Variants in COL24A1 observed in about 807,000 individuals in gnomAD.
COL24A1 encodes the protein collagen type XXIV alpha 1 chain.
In COL24A1, 224 loss-of-function variants were observed where a neutral mutation model predicts 253.9. The ratio of observed to expected loss-of-function variants is 0.88; its 90% CI spans 0.79 to 0.99. COL24A1 has a LOEUF of 0.99. COL24A1 is among the 50% of genes least tolerant of loss of function. The pLI, the probability that COL24A1 is intolerant of heterozygous loss-of-function variation, is 0.00. For synonymous variants in COL24A1, 685 were observed against 673.7 expected (o/e 1.02, Z -0.26); for missense variants, 2,131 against 2,068.5 (o/e 1.03, Z -0.59).
chr1:85,861,787 A>G (rs555013654), intron 37 of COL24A1, among the ~76,000 whole-genome samples: 6 of 152,348 alleles, frequency 3.9e-5, no homozygotes, highest in African/African-American at 1.4e-4. Flanking sequence ...CAAATTTCTT[A>G]TCATAGCTTA....
intron 32 of COL24A1, among the ~76,000 whole-genome samples, chr1:85,884,474 G>T (rs573633454): frequency 1.5e-4 from 23 of 152,144 alleles, no homozygotes; most frequent in African/African-American, 5.5e-4. Context: ...AGTTCCTTTA[G>T]CTATAATCTG....
intron 12 of COL24A1, among the ~76,000 whole-genome samples, chr1:86,038,859 C>T (rs1167709425): frequency 6.6e-6 from 1 of 152,090 alleles, no homozygotes; most frequent in Non-Finnish European, 1.5e-5. Flanking sequence ...CCTCCAACCC[C>T]CAGTCAAGCC....
intron 37 of COL24A1, among the ~76,000 whole-genome samples, chr1:85,854,289 T>C (rs1450278333): frequency 2.0e-5 from 3 of 152,184 alleles, no homozygotes; most frequent in African/African-American, 7.2e-5. Context: ...TGTGGCTTTA[T>C]TTCTCGGTTC....
At chr1:85,786,803 C>G (rs555728157) in intron 47 of COL24A1, among the ~76,000 whole-genome samples, 1 of 152,272 alleles carries the variant, frequency 6.6e-6, no homozygotes, top group African/African-American at 2.4e-5. Flanking sequence ...GTGTACATGG[C>G]AACTCTAATA....
chr1:85,871,276 G>C (rs1680450934), intron 35 of COL24A1, among the ~76,000 whole-genome samples: 1 of 152,150 alleles, frequency 6.6e-6, no homozygotes, highest in South Asian at 2.1e-4. Flanking sequence ...GTGCAAGGAG[G>C]AGCTGGTACC....
intron 7 of COL24A1, among the ~76,000 whole-genome samples, chr1:86,086,396 C>A (rs1703069304): frequency 6.6e-6 from 1 of 152,080 alleles, no homozygotes; most frequent in Non-Finnish European, 1.5e-5. Flanking sequence ...GCAAGCCCAC[C>A]CCTGACAAAG....
rs1287221536 is a variant in COL24A1 at position 85,745,435 on chromosome 1, T to A, written c.4503+6A>T. 6.9e-6 allele frequency: 11 copies of A among 1,600,222 alleles called. No homozygotes were observed. The highest frequency in any genetic ancestry group is 8.5e-6 in the Non-Finnish European group (10 of 1,172,728). ...GTGCCAATATAAATAAAACCAGATA[T>A]GTTACCTCCATCTGTAGGGCAGTAT... On this transcript the variant is annotated splice_donor_region_variant and intron_variant, in intron 56 of 59. Coordinates refer to ENST00000370571, the MANE Select transcript of COL24A1 (RefSeq NM_152890.7).
At position 85,896,444 on chromosome 1, in the gene COL24A1, A is replaced by C. The variant is rs758056309; in HGVS notation, c.2779-35T>G. ...AAAAAAATATCCTGTTGTTAATTTGAAATGTTCCTTTTTTTTTCTTAACAG... is the reference window on the plus strand; with the variant it reads ...AAAAAAATATCCTGTTGTTAATTTGCAATGTTCCTTTTTTTTTCTTAACAG... On this transcript the variant is annotated intron_variant, in intron 28 of 59. Transcript: ENST00000370571. 13 of 1,566,224 alleles carry C rather than the reference A, an allele frequency of 8.3e-6. No individual in the cohort carries two copies. The East Asian group carries it at 2.9e-4, about 35-fold the overall frequency.
At chr1:86,099,521 A>G (rs1704265102) in intron 5 of COL24A1, among the ~76,000 whole-genome samples, 2 of 152,188 alleles carry the variant, frequency 1.3e-5, no homozygotes, top group South Asian at 4.1e-4. Context: ...TACAAAGAAA[A>G]ACCTGCAAAC....
At chr1:85,947,449 T>G (rs1030077354) in intron 24 of COL24A1, among the ~76,000 whole-genome samples, 3 of 152,208 alleles carry the variant, frequency 2.0e-5, no homozygotes, top group Admixed American at 2.0e-4. Flanking sequence ...AACATGCATA[T>G]TCTTTCAGTT....
chr1:85,798,559 G>A (rs958647736), intron 47 of COL24A1, among the ~76,000 whole-genome samples: 1 of 152,122 alleles, frequency 6.6e-6, no homozygotes, highest in African/African-American at 2.4e-5. Flanking sequence ...AGTTTCTTTC[G>A]TGTGACTAGC....
At chr1:86,135,615 C>A (rs1650109211) in intron 2 of COL24A1, among the ~76,000 whole-genome samples, 1 of 151,892 alleles carries the variant, frequency 6.6e-6, no homozygotes, top group Non-Finnish European at 1.5e-5. Context: ...CTTCCCATTT[C>A]ATCTTGATTT....
At chr1:85,896,452 C>T in intron 28 of COL24A1, 43 bp from the exon 29 acceptor site, 3 of 1,486,120 alleles carry the variant, frequency 2.0e-6, no homozygotes, top group South Asian at 1.2e-5. Flanking sequence ...TGAAATGTTC[C>T]TTTTTTTTTC....
At chr1:85,804,992 T>C (rs1351915376) in intron 47 of COL24A1, among the ~76,000 whole-genome samples, 1 of 152,146 alleles carries the variant, frequency 6.6e-6, no homozygotes, top group East Asian at 1.9e-4. Context: ...AGGCACATGC[T>C]ACAACACCCA....
In COL24A1 at chr1:85,841,212, A is replaced by G. The variant is rs1676574976; in HGVS notation, c.3627+10T>C. On this transcript the variant is annotated intron_variant, in intron 42 of 59. Transcript: ENST00000370571. Reference sequence around the variant, plus strand: ...TTGAATAACCAGAATTATTTCAGAAAAAGACCTACTGGTTCACCTCGAGGC... The same window carrying G: ...TTGAATAACCAGAATTATTTCAGAAGAAGACCTACTGGTTCACCTCGAGGC... 7 of 1,588,046 alleles carry G rather than the reference A, an allele frequency of 4.4e-6. No homozygotes were observed. Among genetic ancestry groups the G allele is most frequent in the Non-Finnish European group, 6.0e-6 (7 of 1,165,314 alleles).
chr1:86,019,721 A>T (rs1334999578), intron 18 of COL24A1, among the ~76,000 whole-genome samples: 1 of 152,196 alleles, frequency 6.6e-6, no homozygotes, highest in Non-Finnish European at 1.5e-5. Context: ...AAAAAAAATC[A>T]ATTATCTCCC....
chr1:86,056,648 G>T (rs1227293889), intron 10 of COL24A1, among the ~76,000 whole-genome samples: 3 of 152,086 alleles, frequency 2.0e-5, no homozygotes, highest in Non-Finnish European at 4.4e-5. Context: ...AAGGTCAGGG[G>T]TTTGAGAGCA....
chr1:85,935,844 CAG>C lies in COL24A1; in HGVS notation c.2563-24413_2563-24412del, dbSNP rs1160175755. On this transcript the variant is annotated intron_variant, in intron 24 of 59. Transcript: ENST00000370571. ...CAACTTAGAGCAGTAGTGGTGGAAA[CAG>C]AGGTGAGCCACCCACATTCCCTTTT... 2.1e-4 allele frequency among the ~76,000 whole-genome samples: 31 copies of C among 147,436 alleles called. 3 individuals are homozygous for C. The Admixed American group carries it at 2.1e-3, about 10-fold the overall frequency.
chr1:86,148,811 C>T (rs1367998951), intron 1 of COL24A1, among the ~76,000 whole-genome samples: 14 of 152,154 alleles, frequency 9.2e-5, no homozygotes, highest in South Asian at 2.1e-4. Flanking sequence ...AATAAACATA[C>T]GTGTGCATGT....
Sources: allele counts gnomAD v4.1 joint callset (sites outside exome capture counted in the v4.1 genomes callset), GRCh38; gene constraint gnomAD v4.1.1; transcripts MANE v1.5; gene names NCBI Gene and HGNC (gene_info 2026-07-23, HGNC 2026-07-21).